The following GRAMD1C variants were observed in gnomAD, a reference collection of about 807,000 sequenced individuals.
GRAMD1C encodes protein Aster-C.
Under a neutral mutation model 97.8 loss-of-function variants are expected in GRAMD1C, and 89 were observed. The observed-to-expected ratio is 0.91, with a 90% CI of 0.77 to 1.09. The LOEUF (loss-of-function observed/expected upper bound fraction) is 1.09. Among genes scored for constraint, GRAMD1C ranks in the 50% least tolerant of loss-of-function variants. The probability of loss-of-function intolerance (pLI) is 0.00; values close to 1 mark genes in which losing one functional copy is unlikely to be tolerated. For synonymous variants in GRAMD1C, 256 were observed against 267.0 expected, an observed-to-expected ratio of 0.96 and a Z score of 0.40; for missense variants, 740 against 766.4, an observed-to-expected ratio of 0.97 and a Z score of 0.41.
chr3:113,893,685 C>T (rs1197084389), intron 6 of GRAMD1C, among the ~76,000 whole-genome samples: 3 of 152,180 alleles, frequency 2.0e-5, no homozygotes, highest in Non-Finnish European at 2.9e-5. Context: ...TTACCAAGTA[C>T]GGTCTGAAAC....
At chr3:113,850,811 A>T (rs894059944) in intron 2 of GRAMD1C, 9 of 653,336 alleles carry the variant, frequency 1.4e-5, no homozygotes, top group African/African-American at 1.9e-5. Context: ...TTTAATTTTT[A>T]TTTTTTTTGA....
At chr3:113,858,723 G>A (rs1011297935) in intron 2 of GRAMD1C, among the ~76,000 whole-genome samples, 4 of 151,852 alleles carry the variant, frequency 2.6e-5, no homozygotes, top group African/African-American at 9.7e-5. Flanking sequence ...TTTAGTAGCT[G>A]GGATTTTGTA....
intron 2 of GRAMD1C, among the ~76,000 whole-genome samples, chr3:113,856,814 C>T (rs773444950): frequency 6.6e-6 from 1 of 151,364 alleles, no homozygotes; most frequent in Non-Finnish European, 1.5e-5. Context: ...GTTGGGATTA[C>T]AGGCATGAGC....
chr3:113,873,398 A>G (rs1019178852), intron 3 of GRAMD1C, among the ~76,000 whole-genome samples: 1 of 152,216 alleles, frequency 6.6e-6, no homozygotes, highest in Non-Finnish European at 1.5e-5. Context: ...AGTGGTTCTC[A>G]AAGTGTGGTC....
chr3:113,887,728 A>G (rs1017848826), intron 6 of GRAMD1C, among the ~76,000 whole-genome samples: 6 of 150,318 alleles, frequency 4.0e-5, no homozygotes, highest in Non-Finnish European at 7.4e-5. Flanking sequence ...AAAAAAAAAA[A>G]GGAAAATTGA....
chr3:113,878,152 T>C (rs746157727), intron 5 of GRAMD1C, among the ~76,000 whole-genome samples: 1 of 152,206 alleles, frequency 6.6e-6, no homozygotes, highest in Non-Finnish European at 1.5e-5. Context: ...TTCCTTTACT[T>C]ATGTCAGTAT....
intron 6 of GRAMD1C, among the ~76,000 whole-genome samples, chr3:113,892,585 G>C (rs760402463): frequency 1.3e-5 from 2 of 152,174 alleles, no homozygotes; most frequent in Non-Finnish European, 2.9e-5. Context: ...ATGTTTAGAC[G>C]TGAGTTTAAA....
At chr3:113,841,079 AAT>A (rs1201001365) in intron 1 of GRAMD1C, among the ~76,000 whole-genome samples, 1 of 152,120 alleles carries the variant, frequency 6.6e-6, no homozygotes, top group Non-Finnish European at 1.5e-5. Context: ...ATCACAGCAA[AAT>A]ATTTACTAGT....
chr3:113,930,836 C>T lies in GRAMD1C; in HGVS notation c.1209+4C>T, dbSNP rs184924450. ...CACTGCTGCCACTGAAAAGCAGGTA[C>T]GTCTGCTTTGTCAGTGTCCAGAAGA... is the stretch of plus-strand genomic sequence containing the variant. On this transcript the variant is annotated splice_donor_region_variant and intron_variant, in intron 11 of 17. Transcript: ENST00000358160. 5.4e-4 allele frequency: 787 copies of T among 1,446,518 alleles called. 4 individuals are homozygous for T. In the African/African-American group the frequency reaches 9.1e-3, roughly 17 times the overall value. The allele number at this position is 1,446,518 out of a possible 1,614,324, so 89.6% of individuals were successfully genotyped here.
intron 6 of GRAMD1C, chr3:113,890,554 G>A (rs1317509915): frequency 1.9e-6 from 1 of 523,808 alleles, no homozygotes; most frequent in African/African-American, 1.9e-5. Context: ...TTACCGTGGG[G>A]TGCTCTATTC....
At chr3:113,899,550 G>A (rs1389215827) in intron 6 of GRAMD1C, among the ~76,000 whole-genome samples, 1 of 152,138 alleles carries the variant, frequency 6.6e-6, no homozygotes, top group East Asian at 1.9e-4. Flanking sequence ...ACGCACATTT[G>A]TTAGGTACTA....
intron 17 of GRAMD1C, 21 bp downstream of exon 17, chr3:113,940,366 C>T: frequency 8.7e-7 from 1 of 1,147,984 alleles, no homozygotes; most frequent in Admixed American, 1.7e-5. Context: ...CGATACATCA[C>T]AGTACTTAGT....
intron 2 of GRAMD1C, among the ~76,000 whole-genome samples, chr3:113,852,066 C>T (rs1933933226): frequency 6.6e-6 from 1 of 152,034 alleles, no homozygotes; most frequent in Non-Finnish European, 1.5e-5. Context: ...TTATCCTACT[C>T]ACATTATTAA....
At chr3:113,912,333 T>A (rs1408701434) in intron 9 of GRAMD1C, among the ~76,000 whole-genome samples, 1 of 152,258 alleles carries the variant, frequency 6.6e-6, no homozygotes, top group African/African-American at 2.4e-5. Context: ...GTAAGTTTAC[T>A]ATGTTAATGT....
chr3:113,893,539 T>C (rs1935815285), intron 6 of GRAMD1C, among the ~76,000 whole-genome samples: 2 of 152,226 alleles, frequency 1.3e-5, no homozygotes, highest in Admixed American at 6.5e-5. Context: ...CAGTTACAAT[T>C]CTATGGTCTA....
intron 1 of GRAMD1C, 75 bp from the exon 2 acceptor site, chr3:113,844,428 T>A: frequency 1.0e-6 from 1 of 975,748 alleles, no homozygotes; most frequent in East Asian, 2.4e-5. Context: ...GTATATGTTG[T>A]GAACATTAAC....
chr3:113,907,391 G>A (rs948757041), intron 8 of GRAMD1C, among the ~76,000 whole-genome samples: 56 of 152,196 alleles, frequency 3.7e-4, no homozygotes, highest in African/African-American at 1.2e-3. Flanking sequence ...GACCCTTAGT[G>A]ACTTACTACT....
At chr3:113,912,638 C>A (rs1373818590) in intron 9 of GRAMD1C, among the ~76,000 whole-genome samples, 1 of 151,570 alleles carries the variant, frequency 6.6e-6, no homozygotes, top group African/African-American at 2.4e-5. Flanking sequence ...GAGGCTGAAG[C>A]AGGAGCATCA....
At chr3:113,885,384 G>A in intron 6 of GRAMD1C, 1 of 1,584,804 alleles carries the variant, frequency 6.3e-7, no homozygotes, top group Non-Finnish European at 8.7e-7. Context: ...ACCTTTTGCG[G>A]GGGCAGATCC....
Sources: allele counts gnomAD v4.1 joint callset (sites outside exome capture counted in the v4.1 genomes callset), GRCh38; gene constraint gnomAD v4.1.1; transcripts MANE v1.5; gene names NCBI Gene and HGNC (gene_info 2026-07-23, HGNC 2026-07-21).